The following BCL2 variants were observed in gnomAD, a reference collection of about 807,000 sequenced individuals.
The protein encoded by BCL2 is apoptosis regulator Bcl-2.
In BCL2, 1 loss-of-function variant was observed where a neutral mutation model predicts 14.2. That is an observed-to-expected ratio of 0.07 (90% CI 0.02 to 0.33). The LOEUF (loss-of-function observed/expected upper bound fraction) is 0.33, where lower values mean the gene tolerates loss of function less well. Ranked by LOEUF, BCL2 falls within the 10% of genes least tolerant of loss-of-function variation. BCL2 has a pLI of 0.99. For synonymous variants in BCL2, 151 were observed against 137.2 expected (o/e 1.10, Z -0.70); for missense variants, 247 against 305.9 (o/e 0.81, Z 1.44).
chr18:63,146,283 C>T (rs964094814), intron 2 of BCL2, among the ~76,000 whole-genome samples: 20 of 152,348 alleles, frequency 1.3e-4, no homozygotes, highest in African/African-American at 4.3e-4. Flanking sequence ...GAGACTTCTG[C>T]AGCCGCAGCC....
intron 2 of BCL2, among the ~76,000 whole-genome samples, chr18:63,242,927 A>T (rs1241306786): frequency 6.6e-6 from 1 of 152,196 alleles, no homozygotes; most frequent in African/African-American, 2.4e-5. Flanking sequence ...ATATTGTGAA[A>T]TGCCCCAAAA....
intron 2 of BCL2, among the ~76,000 whole-genome samples, chr18:63,298,056 T>A (rs907957427): frequency 1.3e-5 from 2 of 152,194 alleles, no homozygotes; most frequent in African/African-American, 4.8e-5. Flanking sequence ...CACCAGTATT[T>A]ATCACCATTT....
intron 2 of BCL2, among the ~76,000 whole-genome samples, chr18:63,244,146 G>A (rs1261433355): frequency 2.0e-5 from 3 of 152,124 alleles, no homozygotes; most frequent in African/African-American, 7.2e-5. Context: ...TTGCGAGGCC[G>A]AGGTGGGTAG....
chr18:63,231,306 A>G (rs1331058166), intron 2 of BCL2, among the ~76,000 whole-genome samples: 1 of 151,920 alleles, frequency 6.6e-6, no homozygotes, highest in Admixed American at 6.6e-5. Context: ...CTAGATAAAT[A>G]TGTCTTCTCT....
At position 63,145,119 on chromosome 18, in the gene BCL2, A is replaced by G. The variant is rs147742158; in HGVS notation, c.586-16360T>C. 4.0e-3 allele frequency among the ~76,000 whole-genome samples: 617 copies of G among 152,366 alleles called. 4 individuals are homozygous for G. The highest frequency in any genetic ancestry group is 0.014 in the African/African-American group (579 of 41,578). ...AGGGAATTCTAGAATGTGAAAGAGA[A>G]CAAAATTTCCTTGAGTCACAAAAAC... On this transcript the variant is annotated intron_variant, in intron 2 of 2. Transcript: ENST00000333681.
rs148373259 is a variant in BCL2, at chr18:63,239,571, G to A, written c.585+78511C>T. On this transcript the variant is annotated intron_variant, in intron 2 of 2. Coordinates refer to ENST00000333681, the MANE Select transcript of BCL2 (RefSeq NM_000633.3). ...AGCCTGGCCAACATGGTGAAACCCCGTCTCTACAAAAATAAAAAATTAGCC... is the reference window on the plus strand; with the variant it reads ...AGCCTGGCCAACATGGTGAAACCCCATCTCTACAAAAATAAAAAATTAGCC... 1.4e-3 allele frequency among the ~76,000 whole-genome samples: 216 copies of A among 152,106 alleles called. 1 individual carries two copies. Among genetic ancestry groups the A allele is most frequent in the African/African-American group, 4.8e-3 (198 of 41,492 alleles).
intron 2 of BCL2, among the ~76,000 whole-genome samples, chr18:63,292,200 C>T (rs1428638591): frequency 1.3e-5 from 2 of 148,266 alleles, no homozygotes; most frequent in African/African-American, 5.0e-5. Flanking sequence ...TCACAAACTC[C>T]TAGCCCCAGC....
At chr18:63,246,951 T>C (rs990017746) in intron 2 of BCL2, among the ~76,000 whole-genome samples, 2 of 152,212 alleles carry the variant, frequency 1.3e-5, no homozygotes, top group Admixed American at 6.5e-5. Flanking sequence ...GGTTAGTTTA[T>C]GTAGGTAATG....
intron 2 of BCL2, among the ~76,000 whole-genome samples, chr18:63,272,564 C>G (rs1335384071): frequency 6.6e-6 from 1 of 151,862 alleles, no homozygotes; most frequent in East Asian, 1.9e-4. Flanking sequence ...AATAACCACT[C>G]AAAGAAAAAA....
intron 2 of BCL2, among the ~76,000 whole-genome samples, chr18:63,295,643 G>C (rs1025451156): frequency 2.0e-5 from 3 of 152,014 alleles, no homozygotes; most frequent in Non-Finnish European, 2.9e-5. Context: ...TACAACCCAA[G>C]GCCCGTTGCC....
intron 2 of BCL2, among the ~76,000 whole-genome samples, chr18:63,137,940 G>A (rs775031986): frequency 6.6e-6 from 1 of 152,206 alleles, no homozygotes; most frequent in Non-Finnish European, 1.5e-5. Context: ...TGCAAACGTA[G>A]AGACCACTGG....
intron 2 of BCL2, among the ~76,000 whole-genome samples, chr18:63,204,891 G>C (rs1351355273): frequency 6.6e-6 from 1 of 152,070 alleles, no homozygotes; most frequent in Non-Finnish European, 1.5e-5. Context: ...TGTAAGAAAG[G>C]GAAAATTTTA....
At chr18:63,290,510 A>T (rs1315265775) in intron 2 of BCL2, among the ~76,000 whole-genome samples, 1 of 152,224 alleles carries the variant, frequency 6.6e-6, no homozygotes, top group African/African-American at 2.4e-5. Flanking sequence ...GCAAAAGAGA[A>T]TTCATTCCTA....
At chr18:63,211,917 A>G (rs1464674712) in intron 2 of BCL2, among the ~76,000 whole-genome samples, 1 of 152,220 alleles carries the variant, frequency 6.6e-6, no homozygotes, top group Non-Finnish European at 1.5e-5. Flanking sequence ...AAATGCAATC[A>G]GGTTTCGCCA....
intron 2 of BCL2, among the ~76,000 whole-genome samples, chr18:63,137,630 A>G (rs185868250): frequency 6.3e-4 from 96 of 152,274 alleles, no homozygotes; most frequent in African/African-American, 2.3e-3. Context: ...TCCCAAGGAC[A>G]CAGAGGGATC....
At chr18:63,311,618 T>C (rs1212386162) in intron 2 of BCL2, among the ~76,000 whole-genome samples, 1 of 152,140 alleles carries the variant, frequency 6.6e-6, no homozygotes, top group Non-Finnish European at 1.5e-5. Context: ...AGAGAGCTGA[T>C]TATTAACTAA....
chr18:63,193,316 A>G (rs1005634264), intron 2 of BCL2, among the ~76,000 whole-genome samples: 1 of 151,978 alleles, frequency 6.6e-6, no homozygotes, highest in Admixed American at 6.6e-5. Context: ...TCTGTGTGTG[A>G]GTGTGTGTGT....
At chr18:63,214,907 C>G (rs1910155633) in intron 2 of BCL2, among the ~76,000 whole-genome samples, 1 of 152,042 alleles carries the variant, frequency 6.6e-6, no homozygotes, top group South Asian at 2.1e-4. Context: ...TGGGGTTTCA[C>G]CATGTTGGCC....
intron 2 of BCL2, among the ~76,000 whole-genome samples, chr18:63,186,576 T>C (rs1288805729): frequency 6.6e-6 from 1 of 152,248 alleles, no homozygotes; most frequent in Non-Finnish European, 1.5e-5. Context: ...AGGTCTGTGA[T>C]TTTACTTTCC....
Sources: allele counts gnomAD v4.1 joint callset (sites outside exome capture counted in the v4.1 genomes callset), GRCh38; gene constraint gnomAD v4.1.1; transcripts MANE v1.5; gene names NCBI Gene and HGNC (gene_info 2026-07-23, HGNC 2026-07-21).